Variants in TOR1AIP1 observed in about 807,000 individuals in gnomAD.
TOR1AIP1 encodes the protein torsin-1A-interacting protein 1.
A neutral mutation model predicts 63.3 loss-of-function variants in TOR1AIP1; 54 were observed. That is an observed-to-expected ratio of 0.85 (90% confidence interval 0.69 to 1.07). The LOEUF is 1.07. TOR1AIP1 is among the 50% of genes least tolerant of loss of function. TOR1AIP1 has a pLI of 0.00. For missense variants in TOR1AIP1, 736 were observed against 715.0 expected (o/e 1.03, Z -0.33); for synonymous variants, 294 against 273.5 (o/e 1.07, Z -0.74).
chr1:179,914,571 G>A (rs1280701842), intron 9 of TOR1AIP1, among the ~76,000 whole-genome samples: 6 of 152,098 alleles, frequency 3.9e-5, no homozygotes, highest in Admixed American at 6.6e-5. Context: ...CAAGGCAGGC[G>A]GATCATGAGA....
At chr1:179,901,627 G>A (rs1166617099) in intron 5 of TOR1AIP1, among the ~76,000 whole-genome samples, 3 of 152,048 alleles carry the variant, frequency 2.0e-5, no homozygotes, top group Non-Finnish European at 2.9e-5. Context: ...AGATATTTTT[G>A]TGCTCAAAAG....
At chr1:179,885,118 A>G (rs984566232) in intron 2 of TOR1AIP1, among the ~76,000 whole-genome samples, 3 of 152,230 alleles carry the variant, frequency 2.0e-5, no homozygotes, top group Admixed American at 6.5e-5. Flanking sequence ...TCAATGTCAA[A>G]TGAATGAATA....
chr1:179,908,615 T>C lies in TOR1AIP1; in HGVS notation c.849T>C (p.Tyr283=), dbSNP rs1257652075. Residue 283 remains tyrosine, a synonymous_variant, in exon 8 of 10, where the codon TAT becomes TAC. Transcript: ENST00000606911. ...ATGTATTTGCTTCAGGCTCAGGATA[T>C]CAAAAAACTCCCCAGGAATGGGCCC... The part of the protein sequence containing the change: ...DKQPSVLSSG[Y]QKTPQEWAPQ... 1 of 1,613,328 alleles carries C rather than the reference T, an allele frequency of 6.2e-7. No homozygotes were observed. Among genetic ancestry groups the C allele is most frequent in the South Asian group, 1.1e-5 (1 of 91,058 alleles).
intron 8 of TOR1AIP1, among the ~76,000 whole-genome samples, chr1:179,912,059 C>G (rs1477677069): frequency 7.5e-6 from 1 of 132,572 alleles, no homozygotes; most frequent in Non-Finnish European, 1.5e-5. Flanking sequence ...CGGTCTTGCT[C>G]TGTTGCCTAG....
intron 3 of TOR1AIP1, among the ~76,000 whole-genome samples, chr1:179,895,981 A>G (rs1648252746): frequency 6.9e-6 from 1 of 144,654 alleles, no homozygotes; most frequent in African/African-American, 2.6e-5. Context: ...GTAGCAGCCA[A>G]GTTTAAAATA....
chr1:179,907,210 C>T (rs1648664680), intron 6 of TOR1AIP1, among the ~76,000 whole-genome samples: 1 of 150,722 alleles, frequency 6.6e-6, no homozygotes, highest in African/African-American at 2.4e-5. Context: ...ATGGTGAAAC[C>T]CTGGTCAGGA....
chr1:179,912,011 C>CT (rs760415120), intron 8 of TOR1AIP1, among the ~76,000 whole-genome samples: 96 of 45,912 alleles, frequency 2.1e-3, no homozygotes, highest in Middle Eastern at 0.02. Context: ...TCTTTTTTTT[C>CT]TTTTTTTTTT....
intron 5 of TOR1AIP1, among the ~76,000 whole-genome samples, chr1:179,903,163 A>T (rs1241834299): frequency 6.6e-6 from 1 of 152,076 alleles, no homozygotes; most frequent in East Asian, 1.9e-4. Flanking sequence ...AGGCATGGTG[A>T]TAGGTACCTA....
chr1:179,889,179 C>T, intron 2 of TOR1AIP1, 134 bp from the exon 3 acceptor site: 1 of 547,768 alleles, frequency 1.8e-6, no homozygotes, highest in Non-Finnish European at 2.9e-6. Flanking sequence ...ACTTAGAAAG[C>T]TTGTCTCTAC....
chr1:179,915,559 C>T (rs370370702), intron 9 of TOR1AIP1, among the ~76,000 whole-genome samples: 112 of 152,324 alleles, frequency 7.4e-4, no homozygotes, highest in Middle Eastern at 3.4e-3. Flanking sequence ...AGTTCAAGAC[C>T]AGCCTGGCCA....
intron 3 of TOR1AIP1, among the ~76,000 whole-genome samples, chr1:179,890,085 C>T (rs1427364795): frequency 6.6e-6 from 1 of 152,120 alleles, no homozygotes; most frequent in Non-Finnish European, 1.5e-5. Flanking sequence ...TGATTTTAAA[C>T]TATGGTCAGG....
At chr1:179,912,937 A>G (rs532427714) in intron 8 of TOR1AIP1, among the ~76,000 whole-genome samples, 26 of 152,268 alleles carry the variant, frequency 1.7e-4, no homozygotes, top group African/African-American at 6.3e-4. Context: ...CAAAAGTTAT[A>G]AAACTCCAGG....
At chr1:179,898,562 A>G (rs1206153888) in intron 3 of TOR1AIP1, among the ~76,000 whole-genome samples, 2 of 152,162 alleles carry the variant, frequency 1.3e-5, no homozygotes, top group African/African-American at 2.4e-5. Flanking sequence ...GAATGGAAAT[A>G]TTAATTAAAA....
At chr1:179,900,037 T>C in intron 3 of TOR1AIP1, 89 bp from the exon 4 acceptor site, 1 of 976,744 alleles carries the variant, frequency 1.0e-6, no homozygotes. Context: ...TTCCTAAGCT[T>C]TAACTTTTTT....
Position 179,882,609 on chromosome 1 carries a change from A to C in TOR1AIP1, c.107A>C (p.Asn36Thr). 1 of 1,527,152 alleles carries C rather than the reference A, an allele frequency of 6.5e-7. No homozygotes were observed. The highest frequency in any genetic ancestry group is 8.8e-7 in the Non-Finnish European group (1 of 1,140,030). 94.6% of individuals were successfully genotyped at this position (1,527,152 alleles called of 1,614,324 possible). Residue 36 changes from asparagine (N) to threonine (T), a missense_variant, in exon 1 of 10, where the codon AAT becomes ACT. Asn to Thr is a moderately conservative substitution (Grantham distance 65). Around this residue, in one of 2 missense-constraint regions of TOR1AIP1, gnomAD observed 464 missense variants for 371.0 expected, o/e 1.25. Coordinates refer to ENST00000606911, the MANE Select transcript of TOR1AIP1 (RefSeq NM_015602.4). ...GGAAGGGGCCGGCTCGCCCCTCAAA[A>C]TGGCGGCAGCAGCGATGCGCCTGCG... ...REGRGRLAPQNGGSSDAPAYR... is the reference protein window; with the variant it reads ...REGRGRLAPQTGGSSDAPAYR...
chr1:179,915,384 T>A (rs1457850841), intron 9 of TOR1AIP1, among the ~76,000 whole-genome samples: 3 of 152,224 alleles, frequency 2.0e-5, no homozygotes, highest in African/African-American at 7.2e-5. Flanking sequence ...GAATGCAGAT[T>A]TTCCAAACAT....
rs186993795 is a variant in TOR1AIP1, at chr1:179,903,943, G to A, written c.740-23G>A. On this transcript the variant is annotated intron_variant, in intron 5 of 9. Coordinates refer to ENST00000606911, the MANE Select transcript of TOR1AIP1 (RefSeq NM_015602.4). ...GTCTAAAAGTTGGATATTATTTATA[G>A]TGTACTGTTTTTTATTTTTTAGATA... 4.4e-3 allele frequency: 6,527 copies of A among 1,487,486 alleles called. 22 individuals are homozygous for A. The highest frequency in any genetic ancestry group is 5.1e-3 in the Non-Finnish European group (5,474 of 1,074,286). The allele number at this position is 1,487,486 out of a possible 1,614,324, so 92.1% of individuals were successfully genotyped here. A position where few individuals can be genotyped will look rare whatever the true frequency, so the allele number is the denominator to read the frequency against.
At chr1:179,910,538 T>C (rs1339560546) in intron 8 of TOR1AIP1, among the ~76,000 whole-genome samples, 1 of 152,234 alleles carries the variant, frequency 6.6e-6, no homozygotes, top group Non-Finnish European at 1.5e-5. Context: ...TCATTTCTTA[T>C]TGCTGTGATT....
At chr1:179,899,541 C>T (rs1417628721) in intron 3 of TOR1AIP1, among the ~76,000 whole-genome samples, 1 of 152,138 alleles carries the variant, frequency 6.6e-6, no homozygotes, top group East Asian at 1.9e-4. Flanking sequence ...CAAACCTATA[C>T]ACACTAGAAT....
Sources: gnomAD v4.1 joint callset for allele counts (sites outside exome capture counted in the v4.1 genomes callset) on GRCh38, gnomAD v4.1.1 for gene constraint, gnomAD v4.1.1 regional missense constraint, MANE v1.5 for transcripts, NCBI Gene and HGNC (gene_info 2026-07-23, HGNC 2026-07-21) for gene names.